ANKRD31: variants seen among roughly 807,000 people sequenced by gnomAD.
ANKRD31 encodes the protein ankyrin repeat domain 31.
Under a neutral mutation model 186.0 loss-of-function variants are expected in ANKRD31, and 147 were observed. The observed-to-expected ratio is 0.79, with a 90% CI of 0.69 to 0.91. The LOEUF (loss-of-function observed/expected upper bound fraction) is 0.91. Among genes scored for constraint, ANKRD31 ranks in the 40% least tolerant of loss-of-function variants. The pLI, the probability that ANKRD31 is intolerant of heterozygous loss-of-function variation, is 0.00. For synonymous variants in ANKRD31, 673 were observed against 736.4 expected, an observed-to-expected ratio of 0.91 and a Z score of 1.39; for missense variants, 1,986 against 2,148.8, an observed-to-expected ratio of 0.92 and a Z score of 1.50.
intron 10 of ANKRD31, among the ~76,000 whole-genome samples, chr5:75,177,465 G>A (rs1753901085): frequency 6.6e-6 from 1 of 152,152 alleles, no homozygotes; most frequent in African/African-American, 2.4e-5. Flanking sequence ...AGGAAAAAAT[G>A]TTAAGGGCAG....
intron 17 of ANKRD31, among the ~76,000 whole-genome samples, chr5:75,123,687 T>C (rs1267287134): frequency 6.6e-6 from 1 of 152,070 alleles, no homozygotes; most frequent in Non-Finnish European, 1.5e-5. Flanking sequence ...GACAAGAACA[T>C]ACACTGGGAA....
At chr5:75,189,057 T>A (rs1484655472) in intron 9 of ANKRD31, among the ~76,000 whole-genome samples, 2 of 152,094 alleles carry the variant, frequency 1.3e-5, no homozygotes, top group African/African-American at 4.8e-5. Context: ...AAATGTCTTA[T>A]AAAACCATGA....
In ANKRD31 at chr5:75,195,947, G is replaced by A. The variant is rs1434923339; in HGVS notation, c.701C>T (p.Thr234Ile). ...LESLLTSPES[T>I]QEERLFELVS... ...TAATTCAAACAATCTTTCCTCCTGG[G>A]TGCTTTCTGGTGATGTAAGTAAACT... The change falls in exon 7 of 26, where the codon ACC becomes ATC. Residue 234 changes from threonine (T) to isoleucine (I), a missense_variant. Physicochemically the swap from Thr to Ile is moderately conservative, Grantham distance 89. Coordinates refer to ENST00000506364, the MANE Select transcript of ANKRD31 (RefSeq NM_001372053.1). 6.5e-7 allele frequency: 1 copy of A among 1,533,328 alleles called. No individual in the cohort carries two copies. Among genetic ancestry groups the A allele is most frequent in the African/African-American group, 1.4e-5 (1 of 72,812 alleles). 95.0% of individuals were successfully genotyped at this position (1,533,328 alleles called of 1,614,324 possible).
chr5:75,181,960 A>T (rs1754342547), intron 10 of ANKRD31, among the ~76,000 whole-genome samples: 2 of 152,118 alleles, frequency 1.3e-5, no homozygotes, highest in African/African-American at 4.8e-5. Flanking sequence ...AAAAAATAAA[A>T]CACACTGTTG....
At chr5:75,132,204 A>G (rs1316330584) in intron 17 of ANKRD31, among the ~76,000 whole-genome samples, 3 of 152,214 alleles carry the variant, frequency 2.0e-5, no homozygotes, top group African/African-American at 7.2e-5. Flanking sequence ...GACGATCGGT[A>G]AGAACAAACT....
rs565925931 is a variant in ANKRD31, at chr5:75,080,345, G to A, written c.5647+223C>T. Among the ~76,000 whole-genome samples the A allele has an allele frequency of 1.1e-4, 17 of 152,252 alleles. No homozygotes were observed. In the East Asian group the frequency reaches 2.9e-3, roughly 26 times the overall value. On this transcript the variant is annotated intron_variant, in intron 25 of 25. Coordinates refer to ENST00000506364, the MANE Select transcript of ANKRD31 (RefSeq NM_001372053.1). ...TGAGCATTTATTGGAAAGCTATGGT[G>A]TGCCAGGCATTGAAGAATATAAGAA...
At chr5:75,074,942 A>C (rs1744514035) in intron 25 of ANKRD31, among the ~76,000 whole-genome samples, 1 of 152,344 alleles carries the variant, frequency 6.6e-6, no homozygotes, top group South Asian at 2.1e-4. Flanking sequence ...CTCCATGTCT[A>C]TATATTTCTA....
chr5:75,175,660 C>T (rs1273691684), intron 10 of ANKRD31, among the ~76,000 whole-genome samples: 1 of 151,666 alleles, frequency 6.6e-6, no homozygotes, highest in Non-Finnish European at 1.5e-5. Flanking sequence ...CACACACACA[C>T]ACACACACAC....
chr5:75,116,485 C>T, intron 19 of ANKRD31, 81 bp downstream of exon 19: 1 of 611,824 alleles, frequency 1.6e-6, no homozygotes, highest in Non-Finnish European at 2.4e-6. Context: ...GAAAGTACTG[C>T]CATTAGCCAA....
chr5:75,107,761 T>A (rs767758740), intron 20 of ANKRD31, 144 bp from the exon 21 acceptor site: 2 of 565,738 alleles, frequency 3.5e-6, no homozygotes, highest in East Asian at 3.0e-5. Context: ...ATATCTCAAT[T>A]AAGGCTTATT....
intron 2 of ANKRD31, chr5:75,225,681 C>T (rs1482456489): frequency 6.2e-6 from 1 of 162,488 alleles, no homozygotes; most frequent in Non-Finnish European, 1.4e-5. Context: ...AAAAGAAAAC[C>T]TAAGATTCTC....
intron 18 of ANKRD31, 127 bp from the exon 19 acceptor site, chr5:75,116,808 A>G: frequency 2.2e-6 from 1 of 456,556 alleles, no homozygotes; most frequent in Non-Finnish European, 3.6e-6. Context: ...CTTAACCAAC[A>G]CTCATCATCG....
At chr5:75,129,359 A>C (rs1749544224) in intron 17 of ANKRD31, among the ~76,000 whole-genome samples, 1 of 152,220 alleles carries the variant, frequency 6.6e-6, no homozygotes, top group Non-Finnish European at 1.5e-5. Context: ...AGAACAAACT[A>C]ATACAGCTTC....
intron 17 of ANKRD31, among the ~76,000 whole-genome samples, chr5:75,136,125 A>C (rs1042687435): frequency 1.3e-5 from 2 of 152,224 alleles, no homozygotes; most frequent in Non-Finnish European, 2.9e-5. Flanking sequence ...TGACTAAATC[A>C]CCAAAAGCAA....
Position 75,188,678 on chromosome 5 carries a change from A to T in ANKRD31, c.1409-30T>A, listed in dbSNP as rs1167036801. The T allele has an allele frequency of 2.0e-6, 3 of 1,497,274 alleles. No individual in the cohort carries two copies. The East Asian group carries it at 7.4e-5, about 37-fold the overall frequency. The allele number at this position is 1,497,274 out of a possible 1,614,324, so 92.7% of individuals were successfully genotyped here. ...AATGAGGGAATGAACAAAAGAAAAA[A>T]ATCATTATTTGAATATCAGAAGGAA... On this transcript the variant is annotated intron_variant, in intron 9 of 25. Coordinates refer to ENST00000506364, the MANE Select transcript of ANKRD31 (RefSeq NM_001372053.1).
intron 17 of ANKRD31, among the ~76,000 whole-genome samples, chr5:75,133,467 CATAAAT>C (rs1750055864): frequency 6.6e-6 from 1 of 152,192 alleles, no homozygotes; most frequent in South Asian, 2.1e-4. Context: ...AGCTAACTAT[CATAAAT>C]ATATATATGC....
Position 75,080,611 on chromosome 5 carries a change from C to T in ANKRD31, c.5604G>A (p.Gln1868=), listed in dbSNP as rs1745008759. The T allele has an allele frequency of 1.3e-6, 2 of 1,527,104 alleles. No individual in the cohort carries two copies. Among genetic ancestry groups the T allele is most frequent in the African/African-American group, 1.4e-5 (1 of 72,320 alleles). 94.6% of individuals were successfully genotyped at this position (1,527,104 alleles called of 1,614,324 possible). The stretch of plus-strand genomic sequence containing the variant: ...TCTCAAACATTGATTTGTTTGGTTC[C>T]TGTACTGGGTCATCTAAACAAGCAA... The part of the protein sequence containing the change: ...PEVACLDDPV[Q]EPNKSMFEKT... The change falls in exon 25 of 26, where the codon CAG becomes CAA. Residue 1868 remains glutamine (Q), a synonymous_variant. Coordinates refer to ENST00000506364, the MANE Select transcript of ANKRD31 (RefSeq NM_001372053.1).
chr5:75,068,534 C>T lies in ANKRD31; in HGVS notation c.5778G>A (p.Glu1926=), dbSNP rs1159170136. The T allele has an allele frequency of 4.0e-6, 6 of 1,513,004 alleles. No individual in the cohort carries two copies. The highest frequency in any genetic ancestry group is 1.7e-4 in the Middle Eastern group (1 of 5,942). The allele number at this position is 1,513,004 out of a possible 1,614,324, so 93.7% of individuals were successfully genotyped here. A position where few individuals can be genotyped will look rare whatever the true frequency, so the allele number is the denominator to read the frequency against. ...AACCAAGGTTTTAGGGTGTTAGTTC[C>T]TCACATTCCACACAAAACTTCCAAT... ...DQHWKFCVEC[E]ELTP Residue 1926 remains glutamate (E), a synonymous_variant, in exon 26 of 26, where the codon GAG becomes GAA. Transcript: ENST00000506364.
intron 14 of ANKRD31, among the ~76,000 whole-genome samples, chr5:75,144,913 T>C (rs940409932): frequency 6.6e-6 from 1 of 151,850 alleles, no homozygotes; most frequent in African/African-American, 2.4e-5. Flanking sequence ...AATAACCCCA[T>C]CAAAAAGTGG....
Sources: gnomAD v4.1 joint callset for allele counts (sites outside exome capture counted in the v4.1 genomes callset) on GRCh38, gnomAD v4.1.1 for gene constraint, MANE v1.5 for transcripts, NCBI Gene and HGNC (gene_info 2026-07-23, HGNC 2026-07-21) for gene names.